DPP10: variants seen among roughly 807,000 people sequenced by gnomAD.
DPP10 encodes dipeptidyl peptidase like 10, also known as inactive dipeptidyl peptidase 10.
DPP10 carries 33 observed loss-of-function variants against 120.9 expected under a neutral mutation model. That is an observed-to-expected ratio of 0.27 (90% confidence interval 0.21 to 0.37). The LOEUF is 0.37. Among genes scored for constraint, DPP10 ranks in the 10% least tolerant of loss-of-function variants. The pLI is 1.00. For synonymous variants in DPP10, 337 were observed against 326.1 expected, an observed-to-expected ratio of 1.03 and a Z score of -0.36; for missense variants, 816 against 942.8, an observed-to-expected ratio of 0.87 and a Z score of 1.76.
At chr2:115,349,557 G>A (rs1221189992) in intron 3 of DPP10, among the ~76,000 whole-genome samples, 1 of 152,084 alleles carries the variant, frequency 6.6e-6, no homozygotes, top group Non-Finnish European at 1.5e-5. Flanking sequence ...GAGATGCTCT[G>A]AACACCTGAC....
At chr2:114,460,569 A>G (rs1195812251) in intron 1 of DPP10, among the ~76,000 whole-genome samples, 1 of 152,174 alleles carries the variant, frequency 6.6e-6, no homozygotes, top group Non-Finnish European at 1.5e-5. Context: ...TAACTTATTT[A>G]TGACACAAAT....
At chr2:115,658,552 A>G (rs13022237) in intron 5 of DPP10, among the ~76,000 whole-genome samples, 20,157 of 152,074 alleles carry the variant, frequency 0.13, 1,526 homozygotes, top group Non-Finnish European at 0.16. Flanking sequence ...GTTGTTATCA[A>G]TCACCAGGGA....
At chr2:115,078,350 A>C (rs765788979) in intron 1 of DPP10, among the ~76,000 whole-genome samples, 16 of 152,226 alleles carry the variant, frequency 1.1e-4, no homozygotes, top group Middle Eastern at 3.2e-3. Flanking sequence ...GTAACCTCAC[A>C]AACACATCAT....
intron 5 of DPP10, among the ~76,000 whole-genome samples, chr2:115,661,528 T>C (rs2088974787): frequency 6.6e-6 from 1 of 152,214 alleles, no homozygotes; most frequent in Admixed American, 6.5e-5. Flanking sequence ...GTTCCTAGCA[T>C]AGAAGTGGCT....
chr2:115,041,276 G>A (rs1266333855), intron 1 of DPP10, among the ~76,000 whole-genome samples: 8 of 152,028 alleles, frequency 5.3e-5, no homozygotes, highest in East Asian at 1.9e-4. Context: ...TACACCTGGC[G>A]AATGGAATTA....
chr2:114,815,100 A>G (rs1226651695), intron 1 of DPP10, among the ~76,000 whole-genome samples: 1 of 152,134 alleles, frequency 6.6e-6, no homozygotes, highest in Non-Finnish European at 1.5e-5. Flanking sequence ...GCCAAATCTC[A>G]CTTTCCCCAC....
chr2:115,203,218 G>A (rs1035224665), intron 1 of DPP10, among the ~76,000 whole-genome samples: 2 of 152,192 alleles, frequency 1.3e-5, no homozygotes, highest in South Asian at 4.1e-4. Context: ...AAGAATGAGT[G>A]GATTTTAAGT....
chr2:115,108,724 G>A (rs1315601752), intron 1 of DPP10, among the ~76,000 whole-genome samples: 7 of 152,104 alleles, frequency 4.6e-5, no homozygotes, highest in Admixed American at 4.6e-4. Flanking sequence ...TTTCATTCCT[G>A]TTAGCTTTAA....
intron 1 of DPP10, among the ~76,000 whole-genome samples, chr2:114,950,473 T>TA (rs1278115847): frequency 1.3e-5 from 2 of 151,584 alleles, no homozygotes; most frequent in East Asian, 1.9e-4. Context: ...TTTTTTATTT[T>TA]TTTTTTGTAT....
chr2:115,799,204 A>G (rs1684885755), intron 19 of DPP10, among the ~76,000 whole-genome samples: 1 of 152,100 alleles, frequency 6.6e-6, no homozygotes, highest in Non-Finnish European at 1.5e-5. Flanking sequence ...ACAGTGCATT[A>G]TACTGACATA....
intron 1 of DPP10, among the ~76,000 whole-genome samples, chr2:114,954,668 G>A (rs557220404): frequency 1.3e-4 from 20 of 151,948 alleles, no homozygotes; most frequent in Non-Finnish European, 2.9e-4. Context: ...ATGAAACTAA[G>A]TGTTTGTTGT....
chr2:115,796,965 G>A (rs1161784427), intron 19 of DPP10, among the ~76,000 whole-genome samples: 2 of 151,992 alleles, frequency 1.3e-5, no homozygotes, highest in Non-Finnish European at 2.9e-5. Flanking sequence ...ACCCAATGCT[G>A]CCTGCCTACA....
intron 4 of DPP10, among the ~76,000 whole-genome samples, chr2:115,520,539 G>T (rs2077745417): frequency 6.6e-6 from 1 of 151,634 alleles, no homozygotes; most frequent in African/African-American, 2.4e-5. Flanking sequence ...TGTAAATAGA[G>T]ATGTCTTTAG....
intron 1 of DPP10, among the ~76,000 whole-genome samples, chr2:114,972,410 T>C (rs1699457335): frequency 6.6e-6 from 1 of 152,202 alleles, no homozygotes; most frequent in Non-Finnish European, 1.5e-5. Flanking sequence ...TTGTCATTTA[T>C]ATGGTATGAA....
intron 1 of DPP10, among the ~76,000 whole-genome samples, chr2:114,474,022 A>G (rs1482621147): frequency 6.6e-6 from 1 of 152,184 alleles, no homozygotes; most frequent in Non-Finnish European, 1.5e-5. Flanking sequence ...CAGTGGCACA[A>G]TCTCGGCTCA....
At chr2:115,516,822 A>C (rs1266731734) in intron 4 of DPP10, among the ~76,000 whole-genome samples, 1 of 152,116 alleles carries the variant, frequency 6.6e-6, no homozygotes, top group African/African-American at 2.4e-5. Flanking sequence ...GAAAATGAAC[A>C]AAAAATATAA....
chr2:114,778,839 G>T (rs1466725779), intron 1 of DPP10, among the ~76,000 whole-genome samples: 1 of 152,012 alleles, frequency 6.6e-6, no homozygotes, highest in Non-Finnish European at 1.5e-5. Flanking sequence ...CTGCCATAGG[G>T]TTCTAGCATA....
chr2:115,453,873 G>A (rs708660), intron 3 of DPP10, among the ~76,000 whole-genome samples: 124,995 of 151,014 alleles, frequency 0.83, 54,734 homozygotes, highest in Non-Finnish European at 0.97. Context: ...CAAACATGAG[G>A]GAAAACACAA....
intron 3 of DPP10, among the ~76,000 whole-genome samples, chr2:115,401,349 C>T (rs2068058625): frequency 6.6e-6 from 1 of 152,106 alleles, no homozygotes; most frequent in Non-Finnish European, 1.5e-5. Flanking sequence ...GGAGGCCAAA[C>T]TGGGAGGATC....
Sources: gnomAD v4.1 joint callset for allele counts (sites outside exome capture counted in the v4.1 genomes callset) on GRCh38, gnomAD v4.1.1 for gene constraint, MANE v1.5 for transcripts, NCBI Gene and HGNC (gene_info 2026-07-23, HGNC 2026-07-21) for gene names.